Variants in BMPR1B observed in about 807,000 individuals in gnomAD.
BMPR1B encodes bone morphogenetic protein receptor type 1B, also known as bone morphogenetic protein receptor type-1B.
Under a neutral mutation model 59.1 loss-of-function variants are expected in BMPR1B, and 12 were observed. That is an observed-to-expected ratio of 0.20 (90% confidence interval 0.13 to 0.33). BMPR1B has a LOEUF of 0.33. BMPR1B is among the 10% of genes least tolerant of loss of function. The probability of loss-of-function intolerance (pLI) is 1.00; values close to 1 mark genes in which losing one functional copy is unlikely to be tolerated. For missense variants in BMPR1B, 550 were observed against 610.9 expected, an observed-to-expected ratio of 0.90 and a Z score of 1.05; for synonymous variants, 237 against 207.3, an observed-to-expected ratio of 1.14 and a Z score of -1.23.
intron 3 of BMPR1B, among the ~76,000 whole-genome samples, chr4:95,052,593 T>C (rs1252562896): frequency 5.2e-4 from 79 of 152,294 alleles, no homozygotes; most frequent in African/African-American, 1.7e-3. Context: ...GGATGCATAT[T>C]ATAGAACTAA....
At chr4:94,858,618 G>C (rs1038915802) in intron 1 of BMPR1B, among the ~76,000 whole-genome samples, 3 of 151,734 alleles carry the variant, frequency 2.0e-5, no homozygotes, top group Admixed American at 2.0e-4. Flanking sequence ...GTTATCTTGA[G>C]TCTAAGAAGA....
At chr4:95,026,921 G>A (rs965360162) in intron 3 of BMPR1B, among the ~76,000 whole-genome samples, 1 of 151,608 alleles carries the variant, frequency 6.6e-6, no homozygotes, top group East Asian at 1.9e-4. Flanking sequence ...ACCACCAGTG[G>A]CTAATTTTTT....
At chr4:94,841,715 T>A (rs1484727741) in intron 1 of BMPR1B, among the ~76,000 whole-genome samples, 1 of 152,154 alleles carries the variant, frequency 6.6e-6, no homozygotes, top group Non-Finnish European at 1.5e-5. Context: ...AAATCACCCG[T>A]CTTCTGCGTT....
intron 2 of BMPR1B, among the ~76,000 whole-genome samples, chr4:94,971,322 A>G (rs1335767857): frequency 6.6e-6 from 1 of 152,172 alleles, no homozygotes; most frequent in Non-Finnish European, 1.5e-5. Context: ...CATATGTATT[A>G]ATTGAATTAA....
intron 2 of BMPR1B, among the ~76,000 whole-genome samples, chr4:94,973,926 T>C (rs944148352): frequency 9.2e-5 from 14 of 152,180 alleles, no homozygotes; most frequent in African/African-American, 3.4e-4. Context: ...CAAAATAAAT[T>C]ACTAAGAAAA....
At chr4:94,899,438 C>T (rs1242570491) in intron 2 of BMPR1B, among the ~76,000 whole-genome samples, 1 of 148,502 alleles carries the variant, frequency 6.7e-6, no homozygotes, top group African/African-American at 2.5e-5. Flanking sequence ...TATATACACA[C>T]ACACATACAC....
chr4:94,966,509 C>T (rs1730561316), intron 2 of BMPR1B, among the ~76,000 whole-genome samples: 1 of 152,074 alleles, frequency 6.6e-6, no homozygotes, highest in African/African-American at 2.4e-5. Context: ...AGACATATGA[C>T]TGCTTATTCA....
chr4:95,154,954 G>T lies in BMPR1B; in HGVS notation c.*281G>T. The T allele has an allele frequency of 1.1e-5, 4 of 366,604 alleles. No homozygotes were observed. Among genetic ancestry groups the T allele is most frequent in the Non-Finnish European group, 2.0e-5 (4 of 198,820 alleles). 22.7% of individuals were successfully genotyped at this position (366,604 alleles called of 1,614,324 possible). ...GCTTTCTAAGAAAGCCCTGTATTTT[G>T]TGATTGCCTTTTTTTTTTTTTAAGA... is the stretch of plus-strand genomic sequence containing the variant. On this transcript the variant is annotated 3_prime_UTR_variant, in exon 13 of 13. Transcript: ENST00000515059.
chr4:94,776,913 A>C (rs997525679), intron 1 of BMPR1B, among the ~76,000 whole-genome samples: 2 of 152,172 alleles, frequency 1.3e-5, no homozygotes, highest in Admixed American at 6.5e-5. Flanking sequence ...CTTTCTCCTA[A>C]ATTATTTTTA....
intron 1 of BMPR1B, among the ~76,000 whole-genome samples, chr4:94,802,745 T>C (rs575987784): frequency 6.6e-6 from 1 of 152,308 alleles, no homozygotes; most frequent in Admixed American, 6.5e-5. Context: ...ATAAGGCTCA[T>C]TTATTCATTG....
chr4:94,961,453 C>T (rs955384141), intron 2 of BMPR1B, among the ~76,000 whole-genome samples: 2 of 152,114 alleles, frequency 1.3e-5, no homozygotes, highest in African/African-American at 4.8e-5. Flanking sequence ...TTGAAAATGT[C>T]TCTTTTATCA....
intron 4 of BMPR1B, among the ~76,000 whole-genome samples, chr4:95,106,382 G>A (rs1204524127): frequency 6.6e-6 from 1 of 151,986 alleles, no homozygotes; most frequent in Non-Finnish European, 1.5e-5. Context: ...GTTAGGTCAG[G>A]GAAATTGAAC....
intron 2 of BMPR1B, among the ~76,000 whole-genome samples, chr4:94,942,844 T>C (rs755624263): frequency 6.6e-5 from 10 of 152,214 alleles, no homozygotes; most frequent in Non-Finnish European, 1.2e-4. Context: ...TAGCACTGTA[T>C]ATGTTTGCAT....
chr4:95,131,041 A>G (rs2149301496), intron 9 of BMPR1B, among the ~76,000 whole-genome samples, 174 bp from the exon 10 acceptor site: 1 of 152,062 alleles, frequency 6.6e-6, no homozygotes, highest in African/African-American at 2.4e-5. Flanking sequence ...TACTTGTACA[A>G]TTTTGATTGC....
At chr4:95,103,305 T>C (rs1001487514) in intron 3 of BMPR1B, 8 of 227,220 alleles carry the variant, frequency 3.5e-5, no homozygotes, top group Admixed American at 6.5e-5. Context: ...TTTAAAAATA[T>C]AACAAATATG....
intron 1 of BMPR1B, among the ~76,000 whole-genome samples, chr4:94,775,113 C>G (rs1722321112): frequency 6.6e-6 from 1 of 152,176 alleles, no homozygotes; most frequent in Admixed American, 6.5e-5. Flanking sequence ...AGCTTTCCCA[C>G]TCAGTGTCCT....
chr4:94,944,214 G>T (rs556106022), intron 2 of BMPR1B, among the ~76,000 whole-genome samples: 1 of 152,124 alleles, frequency 6.6e-6, no homozygotes, highest in African/African-American at 2.4e-5. Context: ...AACACTTCTG[G>T]TCTCAAGTGT....
chr4:94,933,520 C>T (rs370566311), intron 2 of BMPR1B, among the ~76,000 whole-genome samples: 23 of 152,140 alleles, frequency 1.5e-4, no homozygotes, highest in African/African-American at 4.1e-4. Flanking sequence ...AGAGCCCAGA[C>T]AATAGGATTG....
chr4:95,079,856 G>T (rs1314776579), intron 3 of BMPR1B, among the ~76,000 whole-genome samples: 1 of 151,742 alleles, frequency 6.6e-6, no homozygotes, highest in Non-Finnish European at 1.5e-5. Context: ...AGACTGATTC[G>T]TTCCACATTT....
Sources: gnomAD v4.1 joint callset for allele counts (sites outside exome capture counted in the v4.1 genomes callset) on GRCh38, gnomAD v4.1.1 for gene constraint, MANE v1.5 for transcripts, NCBI Gene and HGNC (gene_info 2026-07-23, HGNC 2026-07-21) for gene names.